BBOF1: variants seen among roughly 807,000 people sequenced by gnomAD.
BBOF1 encodes basal body-orientation factor 1.
Under a neutral mutation model 68.0 loss-of-function variants are expected in BBOF1, and 62 were observed. The ratio of observed to expected loss-of-function variants is 0.91; its 90% CI spans 0.74 to 1.13. The LOEUF (loss-of-function observed/expected upper bound fraction) is 1.13. Ranked by LOEUF, BBOF1 falls within the 50% of genes most tolerant of loss-of-function variation. The pLI, the probability that BBOF1 is intolerant of heterozygous loss-of-function variation, is 0.00. For synonymous variants in BBOF1, 208 were observed against 198.8 expected, an observed-to-expected ratio of 1.05 and a Z score of -0.39; for missense variants, 534 against 600.1, an observed-to-expected ratio of 0.89 and a Z score of 1.15.
intron 9 of BBOF1, chr14:74,072,066 G>A: frequency 6.4e-7 from 1 of 1,556,454 alleles, no homozygotes; most frequent in South Asian, 1.1e-5. Context: ...TGGAGGAGAT[G>A]CAGTACAAGG....
intron 11 of BBOF1, chr14:74,060,589 C>T: frequency 1.5e-6 from 2 of 1,297,026 alleles, no homozygotes; most frequent in Non-Finnish European, 2.2e-6. Flanking sequence ...TGAAGCTGGT[C>T]AAAAATAAAG....
chr14:74,076,118 T>C (rs2060610218), intron 9 of BBOF1, among the ~76,000 whole-genome samples: 1 of 152,226 alleles, frequency 6.6e-6, no homozygotes, highest in Non-Finnish European at 1.5e-5. Context: ...ATGTTGATTG[T>C]GATGCTATTT....
exon 10 of BBOF1, chr14:74,078,338 G>C (rs1321151233): frequency 2.3e-6 from 1 of 440,726 alleles, no homozygotes; most frequent in African/African-American, 2.0e-5. Flanking sequence ...CAATATATGT[G>C]GACTGGATGA....
intron 12 of BBOF1, among the ~76,000 whole-genome samples, chr14:74,082,068 TGG>T (rs888549854): frequency 6.6e-6 from 1 of 152,020 alleles, no homozygotes; most frequent in African/African-American, 2.4e-5. Context: ...TTAGCTGGCA[TGG>T]GGGCACGATC....
intron 11 of BBOF1, among the ~76,000 whole-genome samples, chr14:74,061,585 CAA>C (rs10564858): frequency 0.17 from 25,295 of 152,058 alleles, 2,597 homozygotes; most frequent in East Asian, 0.57. Context: ...CTTGGTCTCC[CAA>C]AGTTCTGGGA....
chr14:74,047,355 AC>A (rs1260627493), intron 6 of BBOF1, among the ~76,000 whole-genome samples: 5 of 151,866 alleles, frequency 3.3e-5, no homozygotes, highest in African/African-American at 1.2e-4. Flanking sequence ...AGCATGGGAG[AC>A]TCATACCTGC....
At chr14:74,043,780 G>A (rs767875826) in intron 5 of BBOF1, among the ~76,000 whole-genome samples, 9 of 149,920 alleles carry the variant, frequency 6.0e-5, no homozygotes, top group East Asian at 4.3e-4. Flanking sequence ...TGACCTGCCC[G>A]CTTCGGCCTC....
intron 9 of BBOF1, among the ~76,000 whole-genome samples, chr14:74,073,127 G>T (rs1170184458): frequency 4.0e-5 from 6 of 151,280 alleles, no homozygotes; most frequent in Admixed American, 1.3e-4. Flanking sequence ...ATTTTTTTGA[G>T]ACATGGTCTC....
chr14:74,057,124 T>C lies in BBOF1; in HGVS notation c.1464-20T>C. On this transcript the variant is annotated intron_variant, in intron 10 of 11. Coordinates refer to ENST00000394009, the MANE Select transcript of BBOF1 (RefSeq NM_025057.3). The stretch of plus-strand genomic sequence containing the variant: ...GTGTGTAGAGTTGTTGACGGTTCTG[T>C]TATTTTGTCATTATTGCAGGGATGA... The C allele has an allele frequency of 6.2e-7, 1 of 1,606,048 alleles. No homozygotes were observed. Among genetic ancestry groups the C allele is most frequent in the Non-Finnish European group, 8.5e-7 (1 of 1,175,028 alleles).
chr14:74,022,106 G>GTTCA lies in BBOF1; in HGVS notation c.57-809_57-806dup, dbSNP rs757807712. The stretch of plus-strand genomic sequence containing the variant: ...ACAGGAGAATCAGGCTAGGGCACTG[G>GTTCA]TTCACACCTGTAATCTCAGCACGTT... On this transcript the variant is annotated intron_variant, in intron 1 of 11. Coordinates refer to ENST00000394009, the MANE Select transcript of BBOF1 (RefSeq NM_025057.3). 1.2e-4 allele frequency among the ~76,000 whole-genome samples: 19 copies of GTTCA among 152,212 alleles called. 1 individual carries two copies. In the East Asian group the frequency reaches 2.3e-3, roughly 19 times the overall value.
In BBOF1 at chr14:74,049,720, G is replaced by T; in HGVS notation, c.811G>T (p.Val271Phe). The T allele has an allele frequency of 6.2e-7, 1 of 1,605,460 alleles. No individual in the cohort carries two copies. Among genetic ancestry groups the T allele is most frequent in the Non-Finnish European group, 8.5e-7 (1 of 1,176,662 alleles). Reference protein sequence around the residue: ...LHQKEINDLLVKEKIMQLVQQ... With the variant: ...LHQKEINDLLFKEKIMQLVQQ... ...TTTTTAGGAGATCAATGATCTGTTG[G>T]TTAAGGAAAAGATTATGCAACTTGT... Residue 271 changes from valine (V) to phenylalanine (F), a missense_variant, in exon 8 of 12, where the codon GTT becomes TTT. Coordinates refer to ENST00000394009, the MANE Select transcript of BBOF1 (RefSeq NM_025057.3).
intron 9 of BBOF1, chr14:74,078,053 C>A: frequency 2.7e-6 from 1 of 375,340 alleles, no homozygotes; most frequent in East Asian, 7.4e-5. Context: ...GCTTGGGGAA[C>A]ATAACGAGAC....
chr14:74,065,125 C>T lies in BBOF1; in HGVS notation c.*426C>T, dbSNP rs1033378134. ...AATGACTCACCATTATTTACTGTTT[C>T]CTCTTAGGAAATAGTAAATGGATAT... On this transcript the variant is annotated 3_prime_UTR_variant, in exon 12 of 12. Coordinates refer to ENST00000394009, the MANE Select transcript of BBOF1 (RefSeq NM_025057.3). The T allele has an allele frequency of 5.6e-6, 9 of 1,594,298 alleles. No homozygotes were observed. Among genetic ancestry groups the T allele is most frequent in the Non-Finnish European group, 7.7e-6 (9 of 1,163,136 alleles).
intron 11 of BBOF1, chr14:74,058,054 G>C: frequency 2.5e-6 from 1 of 396,088 alleles, no homozygotes; most frequent in Middle Eastern, 1.3e-3. Context: ...AGGGCCAGGT[G>C]CGGTGGTTCA....
chr14:74,029,226 G>A lies in BBOF1; in HGVS notation c.328G>A (p.Ala110Thr), dbSNP rs748191810. The change falls in exon 3 of 12, where the codon GCC becomes ACC. Residue 110 changes from alanine (A) to threonine (T), a missense_variant. By Grantham distance (58) the Ala-to-Thr change is moderately conservative. Transcript: ENST00000394009. ...KQQLNETKEK[A>T]QEEKDKLEQK... ...GCAATTAAATGAAACAAAGGAAAAA[G>A]CCCAAGAGGAGAAGGATAAATTGGT... 1.1e-5 allele frequency: 17 copies of A among 1,562,026 alleles called. No homozygotes were observed. The highest frequency in any genetic ancestry group is 1.2e-5 in the Non-Finnish European group (14 of 1,151,006).
chr14:74,028,203 AC>A (rs1281436540), intron 2 of BBOF1, among the ~76,000 whole-genome samples: 2 of 151,936 alleles, frequency 1.3e-5, no homozygotes, highest in African/African-American at 4.8e-5. Flanking sequence ...CCCTGTCTCT[AC>A]AAAAAATACA....
chr14:74,072,937 T>G (rs1190173102), intron 9 of BBOF1, among the ~76,000 whole-genome samples: 1 of 151,844 alleles, frequency 6.6e-6, no homozygotes, highest in Non-Finnish European at 1.5e-5. Flanking sequence ...GTAGCTGAGA[T>G]TACAGACACC....
At chr14:74,080,372 T>TTC in intron 10 of BBOF1, among the ~76,000 whole-genome samples, 1 of 149,480 alleles carries the variant, frequency 6.7e-6, no homozygotes, top group Middle Eastern at 3.4e-3. Flanking sequence ...CTCTTTCTTT[T>TTC]TTTTTTTTTT....
intron 3 of BBOF1, chr14:74,031,953 A>C (rs2059579960): frequency 6.6e-6 from 1 of 152,108 alleles, no homozygotes; most frequent in Admixed American, 6.6e-5. Context: ...TCGTTGGGAT[A>C]GATTACTGTA....
Sources: gnomAD v4.1 joint callset for allele counts (sites outside exome capture counted in the v4.1 genomes callset) on GRCh38, gnomAD v4.1.1 for gene constraint, MANE v1.5 for transcripts, NCBI Gene and HGNC (gene_info 2026-07-23, HGNC 2026-07-21) for gene names.